The following SCFD2 variants were observed in gnomAD, a reference collection of about 807,000 sequenced individuals.
SCFD2 encodes sec1 family domain containing 2.
SCFD2 carries 54 observed loss-of-function variants against 58.9 expected under a neutral mutation model. That is an observed-to-expected ratio of 0.92 (90% CI 0.74 to 1.15). SCFD2 has a LOEUF of 1.15. SCFD2 is among the 50% of genes most tolerant of loss of function. The pLI, the probability that SCFD2 is intolerant of heterozygous loss-of-function variation, is 0.00. For missense variants in SCFD2, 805 were observed against 836.6 expected, an observed-to-expected ratio of 0.96 and a Z score of 0.47; for synonymous variants, 321 against 335.9, an observed-to-expected ratio of 0.96 and a Z score of 0.49.
intron 5 of SCFD2, among the ~76,000 whole-genome samples, chr4:52,930,807 A>G (rs1252510723): frequency 1.3e-5 from 2 of 152,154 alleles, no homozygotes; most frequent in Admixed American, 1.3e-4. Context: ...CACTGTAGAC[A>G]AAGAGATTCT....
At chr4:53,171,880 A>G (rs1727188266) in intron 4 of SCFD2, among the ~76,000 whole-genome samples, 1 of 150,544 alleles carries the variant, frequency 6.6e-6, no homozygotes. Flanking sequence ...CTTCTCTCTC[A>G]TTTTCTTAGT....
intron 5 of SCFD2, among the ~76,000 whole-genome samples, chr4:53,123,331 T>G (rs1387243788): frequency 6.6e-6 from 1 of 152,238 alleles, no homozygotes; most frequent in East Asian, 1.9e-4. Context: ...GCTGTGTACA[T>G]ATAGAGCTTT....
At chr4:52,899,731 A>T (rs1719132231) in intron 7 of SCFD2, among the ~76,000 whole-genome samples, 1 of 152,196 alleles carries the variant, frequency 6.6e-6, no homozygotes, top group Non-Finnish European at 1.5e-5. Context: ...CCTGGATAAT[A>T]TCCTGCAGAG....
At chr4:52,919,884 G>C (rs181006489) in intron 6 of SCFD2, among the ~76,000 whole-genome samples, 356 of 152,264 alleles carry the variant, frequency 2.3e-3, no homozygotes, top group Admixed American at 4.5e-3. Context: ...CCCACTAACA[G>C]CACATTCAGC....
intron 4 of SCFD2, among the ~76,000 whole-genome samples, chr4:53,152,070 G>A (rs1030510772): frequency 8.5e-5 from 13 of 152,076 alleles, no homozygotes; most frequent in African/African-American, 2.9e-4. Flanking sequence ...CCAACACTGG[G>A]GATCACATTT....
intron 5 of SCFD2, among the ~76,000 whole-genome samples, chr4:52,964,672 C>G (rs925466206): frequency 6.6e-6 from 1 of 150,634 alleles, no homozygotes; most frequent in Admixed American, 6.8e-5. Context: ...GTAATATTGA[C>G]CTTGCGAAAT....
chr4:52,877,314 G>A (rs1718496859), intron 8 of SCFD2, among the ~76,000 whole-genome samples: 1 of 152,144 alleles, frequency 6.6e-6, no homozygotes, highest in Non-Finnish European at 1.5e-5. Flanking sequence ...CTGTGGAGGG[G>A]TGAAAAGAAA....
At chr4:53,278,358 T>TA (rs771974130) in intron 3 of SCFD2, among the ~76,000 whole-genome samples, 10,745 of 122,118 alleles carry the variant, frequency 0.088, 650 homozygotes, top group East Asian at 0.19. Flanking sequence ...GACTCCATCT[T>TA]AAAAAAAAAA....
At chr4:53,108,950 C>T (rs1480672293) in intron 5 of SCFD2, among the ~76,000 whole-genome samples, 2 of 152,132 alleles carry the variant, frequency 1.3e-5, no homozygotes, top group African/African-American at 2.4e-5. Flanking sequence ...TGATGAACAT[C>T]GATGAGAAAA....
intron 4 of SCFD2, among the ~76,000 whole-genome samples, chr4:53,250,101 G>A: frequency 6.6e-6 from 1 of 152,120 alleles, no homozygotes. Flanking sequence ...AAAGGATGGA[G>A]GAAGATCTAC....
At chr4:53,137,698 T>C (rs943472813) in intron 5 of SCFD2, among the ~76,000 whole-genome samples, 1 of 152,224 alleles carries the variant, frequency 6.6e-6, no homozygotes, top group African/African-American at 2.4e-5. Flanking sequence ...ACTTTAAAGA[T>C]ACTATAGAAA....
At chr4:53,188,596 T>C (rs10027975) in intron 4 of SCFD2, among the ~76,000 whole-genome samples, 81,752 of 151,920 alleles carry the variant, frequency 0.54, 22,204 homozygotes, top group Middle Eastern at 0.62. Flanking sequence ...ACTATGTAAC[T>C]AGATTGCACG....
intron 4 of SCFD2, among the ~76,000 whole-genome samples, chr4:53,211,173 G>A (rs1291942112): frequency 6.6e-6 from 1 of 151,858 alleles, no homozygotes; most frequent in Non-Finnish European, 1.5e-5. Flanking sequence ...AACCCGGGGG[G>A]CGGAGGTTGC....
At chr4:53,024,631 T>C (rs1449022728) in intron 5 of SCFD2, among the ~76,000 whole-genome samples, 1 of 151,680 alleles carries the variant, frequency 6.6e-6, no homozygotes. Context: ...AAAATAAAAA[T>C]AAAATATTCC....
At chr4:53,028,999 G>A (rs1241505185) in intron 5 of SCFD2, among the ~76,000 whole-genome samples, 1 of 152,162 alleles carries the variant, frequency 6.6e-6, no homozygotes, top group Non-Finnish European at 1.5e-5. Flanking sequence ...AAATCTTGCT[G>A]GTTGAAACGA....
chr4:53,329,589 A>G (rs1733354785), intron 2 of SCFD2, among the ~76,000 whole-genome samples: 1 of 151,848 alleles, frequency 6.6e-6, no homozygotes, highest in Admixed American at 6.6e-5. Context: ...CCAAAAACCC[A>G]TCTGTACATC....
At chr4:53,243,590 C>T (rs1406895909) in intron 4 of SCFD2, among the ~76,000 whole-genome samples, 1 of 151,944 alleles carries the variant, frequency 6.6e-6, no homozygotes, top group Non-Finnish European at 1.5e-5. Flanking sequence ...ATAATGACCA[C>T]TTATCAACAT....
intron 4 of SCFD2, among the ~76,000 whole-genome samples, chr4:53,215,007 T>A (rs1728767391): frequency 6.6e-6 from 1 of 152,124 alleles, no homozygotes; most frequent in Admixed American, 6.5e-5. Flanking sequence ...GTTCCATTGG[T>A]CTATATCTCT....
chr4:53,070,224 T>C (rs1723778113), intron 5 of SCFD2, among the ~76,000 whole-genome samples: 1 of 152,104 alleles, frequency 6.6e-6, no homozygotes, highest in African/African-American at 2.4e-5. Flanking sequence ...TTTTATCAGT[T>C]GTTGACTTTT....
Sources: gnomAD v4.1 joint callset for allele counts (sites outside exome capture counted in the v4.1 genomes callset) on GRCh38, gnomAD v4.1.1 for gene constraint, MANE v1.5 for transcripts, NCBI Gene and HGNC (gene_info 2026-07-23, HGNC 2026-07-21) for gene names.